MRM1: variants seen among roughly 807,000 people sequenced by gnomAD.
The protein encoded by MRM1 is mitochondrial rRNA methyltransferase 1, also known as rRNA methyltransferase 1, mitochondrial.
MRM1 carries 24 observed loss-of-function variants against 25.0 expected under a neutral mutation model. That is an observed-to-expected ratio of 0.96 (90% CI 0.69 to 1.35). The LOEUF (loss-of-function observed/expected upper bound fraction) is 1.35, where lower values mean the gene tolerates loss of function less well. Ranked by LOEUF, MRM1 falls within the 40% of genes most tolerant of loss-of-function variation. MRM1 has a pLI of 0.00. For synonymous variants in MRM1, 188 were observed against 199.2 expected (o/e 0.94, Z 0.47); for missense variants, 431 against 464.1 (o/e 0.93, Z 0.65).
chr17:36,625,304 TTTC>T, the MRM1 span, among the ~76,000 whole-genome samples: 3 of 151,650 alleles, frequency 2.0e-5, no homozygotes, highest in African/African-American at 4.8e-5. Flanking sequence ...AGTCTGGTTG[TTTC>T]TTCTTCTTTC....
chr17:36,606,186 TCTC>T (rs2074926732), intron 2 of MRM1, among the ~76,000 whole-genome samples: 1 of 152,148 alleles, frequency 6.6e-6, no homozygotes, highest in South Asian at 2.1e-4. Flanking sequence ...TGCTCCTCCT[TCTC>T]CTTCAGGTCT....
intron 2 of MRM1, among the ~76,000 whole-genome samples, chr17:36,604,113 C>CA (rs570255845): frequency 1.8e-4 from 27 of 152,234 alleles, no homozygotes; most frequent in Non-Finnish European, 3.5e-4. Flanking sequence ...CCTGCGTACT[C>CA]AGAGACACTG....
the MRM1 span, among the ~76,000 whole-genome samples, chr17:36,617,435 C>G: frequency 6.7e-6 from 1 of 150,192 alleles, no homozygotes; most frequent in Non-Finnish European, 1.5e-5. Context: ...CTCTGTTACC[C>G]AGGCTGGAGT....
At chr17:36,609,377 C>T (rs557548739), downstream of MRM1, among the ~76,000 whole-genome samples, 3 of 152,336 alleles carry the variant, frequency 2.0e-5, no homozygotes, top group Non-Finnish European at 2.9e-5. Context: ...ATCCGGCTTT[C>T]GAAAGCGCCA....
the MRM1 span, among the ~76,000 whole-genome samples, chr17:36,630,066 G>A: frequency 6.6e-6 from 1 of 152,226 alleles, no homozygotes; most frequent in South Asian, 2.1e-4. Flanking sequence ...AAGCCACTAA[G>A]ACCTCTGCTT....
At chr17:36,625,482 T>TTTTTTTTA in the MRM1 span, among the ~76,000 whole-genome samples, 2 of 147,696 alleles carry the variant, frequency 1.4e-5, no homozygotes, top group Non-Finnish European at 1.5e-5. Context: ...TTTTTTTTTT[T>TTTTTTTTA]GAGAAAGAGT....
chr17:36,625,684 A>T, the MRM1 span, among the ~76,000 whole-genome samples: 5 of 150,620 alleles, frequency 3.3e-5, no homozygotes, highest in African/African-American at 9.8e-5. Flanking sequence ...CTGGTCTTGA[A>T]CTCCTGACCT....
the MRM1 span, among the ~76,000 whole-genome samples, chr17:36,630,886 T>G: frequency 6.6e-6 from 1 of 152,088 alleles, no homozygotes; most frequent in Non-Finnish European, 1.5e-5. Flanking sequence ...CTGGTCTAGG[T>G]GCTGGGACTC....
the MRM1 span, among the ~76,000 whole-genome samples, chr17:36,618,639 T>C: frequency 2.0e-5 from 3 of 152,246 alleles, no homozygotes; most frequent in African/African-American, 7.2e-5. Context: ...AAATAGAGGC[T>C]GGGTGCCACT....
chr17:36,613,631 A>C (rs2074990266), downstream of MRM1, among the ~76,000 whole-genome samples: 1 of 152,158 alleles, frequency 6.6e-6, no homozygotes, highest in Admixed American at 6.5e-5. Flanking sequence ...GGAAGCGGAG[A>C]GCAGGGAAAG....
chr17:36,633,290 GA>G, the MRM1 span, among the ~76,000 whole-genome samples: 153 of 152,320 alleles, frequency 1.0e-3, no homozygotes, highest in East Asian at 0.014. Flanking sequence ...ACTGGAGGGG[GA>G]GCCCCCTATC....
In MRM1 at chr17:36,602,223, G is replaced by T. The variant is rs1363305963; in HGVS notation, c.413G>T (p.Ser138Ile). The T allele has an allele frequency of 3.1e-6, 5 of 1,610,488 alleles. No homozygotes were observed. The South Asian group carries it at 4.4e-5, about 14-fold the overall frequency. The part of the protein sequence containing the change: ...PRPWREAGEA[S>I]PGDDPQQLWL... ...CCTTGGAGAGAGGCCGGGGAGGCGAGCCCAGGCGACGACCCCCAGCAGTTG... is the reference window on the plus strand; with the variant it reads ...CCTTGGAGAGAGGCCGGGGAGGCGATCCCAGGCGACGACCCCCAGCAGTTG... The change falls in exon 1 of 5, where the codon AGC (serine) becomes ATC (isoleucine). Residue 138 changes from serine to isoleucine, a missense_variant. Transcript: ENST00000614766. This position sits in a 1 kb window ranked among gnomAD's most constrained non-coding sequence, Gnocchi z 4.1.
At position 36,607,661 on chromosome 17, in the gene MRM1, C is replaced by G; in HGVS notation, c.637-9C>G. The G allele has an allele frequency of 6.2e-7, 1 of 1,606,410 alleles. No homozygotes were observed. The highest frequency in any genetic ancestry group is 1.1e-5 in the South Asian group (1 of 90,286). ...AAAGAATTAGAACATATCTTCTTCC[C>G]CCTTTCAGACCAAAGCCCAGCAGGG... On this transcript the variant is annotated splice_polypyrimidine_tract_variant and intron_variant, in intron 2 of 4. Coordinates refer to ENST00000614766, the MANE Select transcript of MRM1 (RefSeq NM_024864.5).
downstream of MRM1, among the ~76,000 whole-genome samples, chr17:36,613,064 T>C (rs910438653): frequency 6.6e-6 from 1 of 152,084 alleles, no homozygotes; most frequent in African/African-American, 2.4e-5. Context: ...GATCCTGAGA[T>C]GCCGAGATGG....
At chr17:36,629,581 G>A in the MRM1 span, among the ~76,000 whole-genome samples, 2 of 152,236 alleles carry the variant, frequency 1.3e-5, no homozygotes, top group Non-Finnish European at 2.9e-5. Context: ...GGTAGGCCAA[G>A]GGGCGCCGGA....
At chr17:36,622,501 G>A in the MRM1 span, among the ~76,000 whole-genome samples, 4 of 151,830 alleles carry the variant, frequency 2.6e-5, no homozygotes, top group Non-Finnish European at 5.9e-5. Flanking sequence ...GAACCCAGGA[G>A]GCAGAGGTTG....
chr17:36,620,137 T>C, the MRM1 span, among the ~76,000 whole-genome samples: 1 of 152,202 alleles, frequency 6.6e-6, no homozygotes, highest in Non-Finnish European at 1.5e-5. Flanking sequence ...TTCTCTCCCA[T>C]TGTGTAGGTG....
At position 36,608,751 on chromosome 17, in the gene MRM1, T is replaced by G; in HGVS notation, c.*336T>G. 2 of 243,664 alleles carry G rather than the reference T, an allele frequency of 8.2e-6. No homozygotes were observed. The highest frequency in any genetic ancestry group is 7.8e-6 in the Non-Finnish European group (1 of 127,932). The allele number at this position is 243,664 out of a possible 1,614,324, so 15.1% of individuals were successfully genotyped here. On this transcript the variant is annotated 3_prime_UTR_variant, in exon 5 of 5. Coordinates refer to ENST00000614766, the MANE Select transcript of MRM1 (RefSeq NM_024864.5). ...AGGCAGCCCAGCCCAGGGGACCCGTTCCTCTTGAACCAGTCATTGCCTGTG... is the reference window on the plus strand; with the variant it reads ...AGGCAGCCCAGCCCAGGGGACCCGTGCCTCTTGAACCAGTCATTGCCTGTG...
At chr17:36,614,571 A>G in the MRM1 span, among the ~76,000 whole-genome samples, 4 of 152,162 alleles carry the variant, frequency 2.6e-5, no homozygotes, top group Middle Eastern at 0.01. Context: ...GCACCCCAAC[A>G]TGGCCACTTT....
Sources: allele counts gnomAD v4.1 joint callset (sites outside exome capture counted in the v4.1 genomes callset), GRCh38; gene constraint gnomAD v4.1.1; non-coding constraint Gnocchi (gnomAD v3.1); transcripts MANE v1.5; gene names NCBI Gene and HGNC (gene_info 2026-07-23, HGNC 2026-07-21).